FANK1: variants seen among roughly 807,000 people sequenced by gnomAD.
FANK1 encodes the protein fibronectin type 3 and ankyrin repeat domains protein 1.
Under a neutral mutation model 45.3 loss-of-function variants are expected in FANK1, and 44 were observed. That is an observed-to-expected ratio of 0.97 (90% confidence interval 0.76 to 1.25). The LOEUF (loss-of-function observed/expected upper bound fraction) is 1.25, where lower values mean the gene tolerates loss of function less well. Among genes scored for constraint, FANK1 ranks in the 50% most tolerant of loss-of-function variants. The probability of loss-of-function intolerance (pLI) is 0.00; values close to 1 mark genes in which losing one functional copy is unlikely to be tolerated. For synonymous variants in FANK1, 149 were observed against 152.5 expected (o/e 0.98, Z 0.17); for missense variants, 391 against 424.4 (o/e 0.92, Z 0.69).
At chr10:125,993,471 G>T (rs771340162) in intron 3 of FANK1, among the ~76,000 whole-genome samples, 38 of 152,166 alleles carry the variant, frequency 2.5e-4, no homozygotes, top group Non-Finnish European at 4.7e-4. Flanking sequence ...GATATTTGGG[G>T]ACTGGATGGT....
chr10:125,905,931 T>G, intron 1 of FANK1, among the ~76,000 whole-genome samples: 1 of 152,300 alleles, frequency 6.6e-6, no homozygotes, highest in Non-Finnish European at 1.5e-5. Context: ...CACCTAGAGC[T>G]TTGGGGCTGC....
intron 1 of FANK1, among the ~76,000 whole-genome samples, chr10:125,914,295 A>ATATATATATATATAT (rs1946274486): frequency 6.6e-6 from 1 of 150,962 alleles, no homozygotes; most frequent in African/African-American, 2.4e-5. Context: ...ATATATATTT[A>ATATATATATATATAT]AAAAGTCTCA....
intron 1 of FANK1, among the ~76,000 whole-genome samples, chr10:125,918,602 A>ATATATATAGT (rs1946681697): frequency 7.4e-6 from 1 of 134,504 alleles, no homozygotes; most frequent in Non-Finnish European, 1.6e-5. Flanking sequence ...ATATATATAT[A>ATATATATAGT]TATATAGTTA....
chr10:125,952,180 T>C (rs1949280093), intron 1 of FANK1, among the ~76,000 whole-genome samples: 1 of 152,190 alleles, frequency 6.6e-6, no homozygotes. Flanking sequence ...TCACAAATTT[T>C]ATTTCATGTG....
chr10:125,939,931 ATTATTT>A lies in FANK1; in HGVS notation c.14-40227_14-40222del, dbSNP rs991359263. 8.6e-5 allele frequency among the ~76,000 whole-genome samples: 13 copies of A among 150,388 alleles called. No individual in the cohort carries two copies. In the East Asian group the frequency reaches 1.4e-3, roughly 16 times the overall value. ...AATTTCTACTGTCATTATTATTATT[ATTATTT>A]TTTTTTTTTTTGAGACAGAGTCTCG... On this transcript the variant is annotated intron_variant, in intron 1 of 10. Coordinates refer to ENST00000368693, the MANE Select transcript of FANK1 (RefSeq NM_145235.5).
intron 1 of FANK1, among the ~76,000 whole-genome samples, chr10:125,929,809 C>T (rs1947628514): frequency 6.6e-6 from 1 of 152,146 alleles, no homozygotes; most frequent in African/African-American, 2.4e-5. Context: ...CTCAAAGTTC[C>T]TGTTACAGAG....
chr10:125,980,292 A>C lies in FANK1; in HGVS notation c.145A>C (p.Ile49Leu), dbSNP rs1252221729. 6.2e-7 allele frequency: 1 copy of C among 1,613,862 alleles called. No homozygotes were observed. Among genetic ancestry groups the C allele is most frequent in the African/African-American group, 1.3e-5 (1 of 74,894 alleles). Reference protein sequence around the residue: ...GPQEQWFRFSIEEEDPKMHTY... With the variant: ...GPQEQWFRFSLEEEDPKMHTY... The stretch of plus-strand genomic sequence containing the variant: ...TCAAGAGCAGTGGTTCAGGTTCTCG[A>C]TTGAAGAAGAAGACCCCAAAATGCA... Residue 49 changes from isoleucine to leucine, a missense_variant, in exon 2 of 11, where the codon ATT (isoleucine) becomes CTT (leucine). Ile to Leu is a conservative substitution (Grantham distance 5). Coordinates refer to ENST00000368693, the MANE Select transcript of FANK1 (RefSeq NM_145235.5).
At chr10:125,989,198 T>A in intron 3 of FANK1, 1 of 1,295,230 alleles carries the variant, frequency 7.7e-7, no homozygotes, top group Non-Finnish European at 1.1e-6. Context: ...TGGAGACCTC[T>A]GAGCCCTTCA....
intron 6 of FANK1, among the ~76,000 whole-genome samples, chr10:126,003,956 G>C (rs1478275695): frequency 6.6e-6 from 1 of 152,002 alleles, no homozygotes; most frequent in East Asian, 1.9e-4. Flanking sequence ...GATTACAGGG[G>C]TGAACCTCTG....
At chr10:125,911,209 G>A (rs182159120) in intron 1 of FANK1, among the ~76,000 whole-genome samples, 6 of 152,112 alleles carry the variant, frequency 3.9e-5, no homozygotes, top group Non-Finnish European at 8.8e-5. Flanking sequence ...AAGAAGAAAC[G>A]TCAGACTCAG....
At chr10:125,947,215 A>G (rs1948869310) in intron 1 of FANK1, among the ~76,000 whole-genome samples, 1 of 152,100 alleles carries the variant, frequency 6.6e-6, no homozygotes, top group Non-Finnish European at 1.5e-5. Context: ...CTAACAAGCA[A>G]AATAACCAGC....
At chr10:125,942,223 TGA>T (rs2134154843) in intron 1 of FANK1, among the ~76,000 whole-genome samples, 1 of 152,274 alleles carries the variant, frequency 6.6e-6, no homozygotes, top group Admixed American at 6.5e-5. Context: ...GTGAAGACAT[TGA>T]GAGTCTGCCG....
At chr10:125,953,419 A>T (rs958296010) in intron 1 of FANK1, among the ~76,000 whole-genome samples, 2 of 152,172 alleles carry the variant, frequency 1.3e-5, no homozygotes, top group Non-Finnish European at 2.9e-5. Context: ...AGGGTGACTG[A>T]TCAGGGAGGT....
At chr10:125,913,349 A>G (rs1366408456) in intron 1 of FANK1, among the ~76,000 whole-genome samples, 1 of 151,932 alleles carries the variant, frequency 6.6e-6, no homozygotes. Context: ...TGACACCCAA[A>G]CTCATTCTGC....
At chr10:125,956,905 A>G (rs545740312) in intron 1 of FANK1, among the ~76,000 whole-genome samples, 4 of 152,250 alleles carry the variant, frequency 2.6e-5, no homozygotes, top group East Asian at 3.9e-4. Context: ...CAGGAGTGCA[A>G]TGGCGCGATC....
intron 1 of FANK1, among the ~76,000 whole-genome samples, chr10:125,934,129 A>G (rs1564887490): frequency 6.6e-6 from 1 of 152,180 alleles, no homozygotes; most frequent in Non-Finnish European, 1.5e-5. Context: ...TCCTGCTCTT[A>G]AAATGCATAC....
intron 6 of FANK1, among the ~76,000 whole-genome samples, chr10:126,002,556 G>A (rs962077298): frequency 4.6e-5 from 7 of 152,092 alleles, no homozygotes; most frequent in Non-Finnish European, 1.5e-5. Context: ...ATCTCAGCTC[G>A]GCTGTGCCTT....
intron 6 of FANK1, chr10:126,004,291 C>T (rs1297971014): frequency 1.3e-5 from 2 of 150,578 alleles, no homozygotes; most frequent in Non-Finnish European, 1.5e-5. Context: ...TTTTGAATAT[C>T]ATGGACTTTG....
chr10:125,981,214 G>C (rs904862088), intron 2 of FANK1, among the ~76,000 whole-genome samples: 1 of 152,156 alleles, frequency 6.6e-6, no homozygotes, highest in East Asian at 1.9e-4. Flanking sequence ...GAGTAATGAA[G>C]AAGTCACTTT....
Sources: allele counts gnomAD v4.1 joint callset (sites outside exome capture counted in the v4.1 genomes callset), GRCh38; gene constraint gnomAD v4.1.1; transcripts MANE v1.5; gene names NCBI Gene and HGNC (gene_info 2026-07-23, HGNC 2026-07-21).